Variants in CERS3 observed in about 807,000 individuals in gnomAD.
CERS3 encodes the protein LAG1 homolog, ceramide synthase 3.
CERS3 carries 33 observed loss-of-function variants against 50.3 expected under a neutral mutation model. The ratio of observed to expected loss-of-function variants is 0.66; its 90% CI spans 0.50 to 0.88. CERS3 has a LOEUF of 0.88. Among genes scored for constraint, CERS3 ranks in the 40% least tolerant of loss-of-function variants. The probability of loss-of-function intolerance (pLI) is 0.00; values close to 1 mark genes in which losing one functional copy is unlikely to be tolerated. For missense variants in CERS3, 470 were observed against 460.3 expected (o/e 1.02, Z -0.19); for synonymous variants, 176 against 155.2 (o/e 1.13, Z -0.99).
At position 100,484,685 on chromosome 15, in the gene CERS3, C is replaced by A. The variant is rs373815290; in HGVS notation, c.289-17G>T. 1 of 1,537,348 alleles carries A rather than the reference C, an allele frequency of 6.5e-7. No individual in the cohort carries two copies. The highest frequency in any genetic ancestry group is 9.0e-7 in the Non-Finnish European group (1 of 1,110,476). The stretch of plus-strand genomic sequence containing the variant: ...AATATCAGTCTGAAAAGGGATGAAA[C>A]GCATAAATGAGTGATAAAGAACAGA... On this transcript the variant is annotated splice_polypyrimidine_tract_variant and intron_variant, in intron 4 of 11. Coordinates refer to ENST00000679737, the MANE Select transcript of CERS3 (RefSeq NM_001378789.1).
rs145617198 is a variant in CERS3, at chr15:100,465,180, A to G, written c.845+4198T>C. ...AGCTGGAAAGAAGAACAGAGCAACT[A>G]GATTGCAAACTGCCGCCCACAGTGC... On this transcript the variant is annotated intron_variant, in intron 10 of 11. Transcript: ENST00000679737. Among the ~76,000 whole-genome samples, 161 of 152,226 alleles carry G rather than the reference A, an allele frequency of 1.1e-3. 1 individual carries two copies. Among genetic ancestry groups the G allele is most frequent in the African/African-American group, 3.6e-3 (151 of 41,544 alleles).
intron 1 of CERS3, among the ~76,000 whole-genome samples, chr15:100,543,868 G>T (rs1217865534): frequency 6.6e-6 from 1 of 152,152 alleles, no homozygotes; most frequent in Admixed American, 6.5e-5. Flanking sequence ...GTCCTAGCAT[G>T]TATAATTCTG....
chr15:100,444,806 G>T (rs1406168264), intron 11 of CERS3, among the ~76,000 whole-genome samples: 6 of 152,146 alleles, frequency 3.9e-5, no homozygotes, highest in African/African-American at 1.4e-4. Flanking sequence ...ATAGGTAGAG[G>T]CCTTTCCCAC....
chr15:100,406,190 T>C (rs377288869), intron 11 of CERS3, among the ~76,000 whole-genome samples: 3 of 152,342 alleles, frequency 2.0e-5, no homozygotes, highest in East Asian at 3.9e-4. Context: ...TCAAGCTCTG[T>C]GCATGTCCAG....
intron 3 of CERS3, among the ~76,000 whole-genome samples, chr15:100,494,259 T>TATATATATATATATATA (rs1567660619): frequency 5.9e-5 from 1 of 16,836 alleles, no homozygotes; most frequent in Admixed American, 8.7e-4. Context: ...ATATATATAT[T>TATATATATATATATATA]TGTTTTGAGA....
upstream of CERS3, among the ~76,000 whole-genome samples, chr15:100,532,023 CA>C (rs2036949231): frequency 6.6e-6 from 1 of 152,002 alleles, no homozygotes; most frequent in South Asian, 2.1e-4. Context: ...AGACCAGAGA[CA>C]AACCCAGTCA....
chr15:100,530,956 C>A (rs1281516405), upstream of CERS3, among the ~76,000 whole-genome samples: 1 of 151,848 alleles, frequency 6.6e-6, no homozygotes. Context: ...TGGTGGTGGG[C>A]GCCTGTAATC....
intron 5 of CERS3, among the ~76,000 whole-genome samples, chr15:100,480,856 G>A (rs2142268654): frequency 6.6e-6 from 1 of 152,298 alleles, no homozygotes; most frequent in South Asian, 2.1e-4. Context: ...TGTGGTAGGC[G>A]AGAGGTGTAG....
chr15:100,492,284 A>G (rs988699961), intron 3 of CERS3, among the ~76,000 whole-genome samples: 4 of 152,204 alleles, frequency 2.6e-5, no homozygotes, highest in African/African-American at 9.7e-5. Context: ...TGTTCTATCA[A>G]TTATTGAAAG....
At chr15:100,532,477 A>G (rs1007177613), upstream of CERS3, among the ~76,000 whole-genome samples, 1 of 152,132 alleles carries the variant, frequency 6.6e-6, no homozygotes, top group Non-Finnish European at 1.5e-5. Context: ...TCAAAATGCT[A>G]CCAAACTGCC....
Position 100,431,932 on chromosome 15 carries a change from G to A in CERS3, c.999+23961C>T, listed in dbSNP as rs573951671. On this transcript the variant is annotated intron_variant, in intron 11 of 11. Transcript: ENST00000679737. ...TGGAATCCTGGGAGATCTTCTTTAC[G>A]GTGTGAGTAGTAGATCTTCTTGTGT... is the stretch of plus-strand genomic sequence containing the variant. Among the ~76,000 whole-genome samples, 102 of 152,252 alleles carry A rather than the reference G, an allele frequency of 6.7e-4. 1 individual carries two copies. Among genetic ancestry groups the A allele is most frequent in the Non-Finnish European group, 1.0e-3 (68 of 68,008 alleles).
intron 11 of CERS3, among the ~76,000 whole-genome samples, chr15:100,443,171 T>C (rs4625704): frequency 0.89 from 131,335 of 147,424 alleles, 58,380 homozygotes; most frequent in Non-Finnish European, 0.98. Context: ...TGTATCCCCC[T>C]ACCTTAACCC....
At chr15:100,437,502 G>T (rs1245832700) in intron 11 of CERS3, among the ~76,000 whole-genome samples, 1 of 152,170 alleles carries the variant, frequency 6.6e-6, no homozygotes, top group African/African-American at 2.4e-5. Context: ...ACTGTCACTG[G>T]AGCCTTGGGT....
intron 7 of CERS3, among the ~76,000 whole-genome samples, chr15:100,478,015 G>A (rs949378951): frequency 3.3e-5 from 5 of 152,118 alleles, no homozygotes; most frequent in Non-Finnish European, 7.4e-5. Flanking sequence ...TTTGTATACA[G>A]TGTCTGTCAT....
intron 11 of CERS3, among the ~76,000 whole-genome samples, chr15:100,447,562 TAC>T (rs1322431003): frequency 6.6e-6 from 1 of 152,378 alleles, no homozygotes; most frequent in Middle Eastern, 3.4e-3. Context: ...TCAAATATTT[TAC>T]AGAGTTTGAC....
intron 10 of CERS3, among the ~76,000 whole-genome samples, chr15:100,462,250 C>CT (rs2034572461): frequency 6.6e-6 from 1 of 152,300 alleles, no homozygotes; most frequent in South Asian, 2.1e-4. Flanking sequence ...CAAAACTCAG[C>CT]TTTTTCTGTT....
intron 11 of CERS3, among the ~76,000 whole-genome samples, chr15:100,423,580 C>A (rs2032606716): frequency 6.6e-6 from 1 of 152,112 alleles, no homozygotes; most frequent in Non-Finnish European, 1.5e-5. Context: ...AGGGGTACAA[C>A]AGACACTAGG....
chr15:100,444,332 T>A (rs1481575551), intron 11 of CERS3, among the ~76,000 whole-genome samples: 1 of 150,752 alleles, frequency 6.6e-6, no homozygotes, highest in African/African-American at 2.4e-5. Context: ...ACAATTACCA[T>A]TGTTCCTGGC....
intron 11 of CERS3, among the ~76,000 whole-genome samples, chr15:100,444,509 T>C (rs1174928816): frequency 6.6e-6 from 1 of 152,064 alleles, no homozygotes; most frequent in Non-Finnish European, 1.5e-5. Flanking sequence ...CCAGGCGTAA[T>C]CGCCACACAC....
Sources: gnomAD v4.1 joint callset for allele counts (sites outside exome capture counted in the v4.1 genomes callset) on GRCh38, gnomAD v4.1.1 for gene constraint, MANE v1.5 for transcripts, NCBI Gene and HGNC (gene_info 2026-07-23, HGNC 2026-07-21) for gene names.